RAD51B: variants seen among roughly 807,000 people sequenced by gnomAD.
The protein encoded by RAD51B is DNA repair protein RAD51 homolog 2.
RAD51B carries 38 observed loss-of-function variants against 42.2 expected under a neutral mutation model. That is an observed-to-expected ratio of 0.90 (90% CI 0.70 to 1.18). The LOEUF (loss-of-function observed/expected upper bound fraction) is 1.18. Among genes scored for constraint, RAD51B ranks in the 50% most tolerant of loss-of-function variants. RAD51B has a pLI of 0.00. For missense variants in RAD51B, 373 were observed against 400.7 expected (o/e 0.93, Z 0.59); for synonymous variants, 154 against 145.2 (o/e 1.06, Z -0.43).
chr14:68,669,573 C>T (rs1893109030), intron 11 of RAD51B, among the ~76,000 whole-genome samples: 3 of 151,942 alleles, frequency 2.0e-5, no homozygotes, highest in South Asian at 2.1e-4. Context: ...TTATTCCGTG[C>T]TTGTCAAATT....
chr14:68,376,630 T>C (rs1443038886), intron 8 of RAD51B, among the ~76,000 whole-genome samples: 1 of 152,198 alleles, frequency 6.6e-6, no homozygotes, highest in Non-Finnish European at 1.5e-5. Context: ...TTGTACCGCA[T>C]TCCTCCCTGG....
intron 10 of RAD51B, among the ~76,000 whole-genome samples, chr14:68,489,210 C>T (rs1421481273): frequency 2.6e-5 from 4 of 151,850 alleles, no homozygotes; most frequent in Admixed American, 6.6e-5. Context: ...TCTTGTAGTC[C>T]GAATGCACCC....
chr14:67,825,235 C>G (rs1422563392), intron 2 of RAD51B, among the ~76,000 whole-genome samples: 1 of 152,052 alleles, frequency 6.6e-6, no homozygotes, highest in Admixed American at 6.5e-5. Flanking sequence ...TTTGGTGTAT[C>G]CTCTGGTATA....
intron 7 of RAD51B, among the ~76,000 whole-genome samples, chr14:68,283,048 A>G (rs2081349845): frequency 6.6e-6 from 1 of 152,138 alleles, no homozygotes; most frequent in Admixed American, 6.5e-5. Flanking sequence ...ATTCAACAGA[A>G]CTGTTTTCTT....
exon 11 of RAD51B, chr14:68,595,787 A>G (rs1002191142): frequency 4.3e-5 from 17 of 392,634 alleles, no homozygotes; most frequent in Middle Eastern, 8.9e-4. Flanking sequence ...CCATATTATT[A>G]AAGAGAAAAA....
chr14:67,933,675 C>A lies in RAD51B; in HGVS notation c.756+46471C>A, dbSNP rs552404889. On this transcript the variant is annotated intron_variant, in intron 7 of 10. Transcript: ENST00000471583. Reference sequence around the variant, plus strand: ...CTGAGTTGGTCACTTGCTTCCTTCTCCTTCTTTGCCTCAGGTGTTTCCTGT... The same window carrying A: ...CTGAGTTGGTCACTTGCTTCCTTCTACTTCTTTGCCTCAGGTGTTTCCTGT... Among the ~76,000 whole-genome samples the A allele has an allele frequency of 2.6e-5, 4 of 152,284 alleles. No individual in the cohort carries two copies. The South Asian group carries it at 8.3e-4, about 32-fold the overall frequency.
chr14:67,893,493 CACACACACACACACACAAA>C (rs577920318), intron 7 of RAD51B, among the ~76,000 whole-genome samples: 2,072 of 81,190 alleles, frequency 0.026, 146 homozygotes, highest in African/African-American at 0.12. Context: ...CACACACACA[CACACACACACACACACAAA>C]AAAAAACAAT....
intron 10 of RAD51B, among the ~76,000 whole-genome samples, chr14:68,556,950 G>A (rs1888882520): frequency 1.3e-5 from 2 of 152,060 alleles, no homozygotes; most frequent in Non-Finnish European, 2.9e-5. Context: ...GGCATCCTCA[G>A]GAGTCCCCGG....
intron 7 of RAD51B, among the ~76,000 whole-genome samples, chr14:68,072,070 A>AAAATATATATAATTATATATAATT (rs1595359041): frequency 9.6e-6 from 1 of 104,702 alleles, no homozygotes; most frequent in East Asian, 2.2e-4. Flanking sequence ...TATTTATATA[A>AAAATATATATAATTATATATAATT]ATATATAAAT....
chr14:68,054,035 C>T (rs1595331937), intron 7 of RAD51B, among the ~76,000 whole-genome samples: 2 of 152,174 alleles, frequency 1.3e-5, no homozygotes, highest in African/African-American at 2.4e-5. Context: ...AGACATGATA[C>T]TCCTTTATCC....
At chr14:68,633,851 G>T (rs1892288213) in intron 10 of RAD51B, among the ~76,000 whole-genome samples, 1 of 152,218 alleles carries the variant, frequency 6.6e-6, no homozygotes, top group Admixed American at 6.5e-5. Flanking sequence ...TTGGACAACA[G>T]TGGGCTTGGA....
At chr14:68,630,590 C>T (rs1892203828) in intron 10 of RAD51B, among the ~76,000 whole-genome samples, 1 of 152,222 alleles carries the variant, frequency 6.6e-6, no homozygotes, top group Non-Finnish European at 1.5e-5. Context: ...GAGAAACCTT[C>T]ACCAGCAGCC....
chr14:68,662,778 C>T (rs927441199), intron 11 of RAD51B, among the ~76,000 whole-genome samples: 3 of 152,338 alleles, frequency 2.0e-5, no homozygotes, highest in Non-Finnish European at 2.9e-5. Flanking sequence ...ATAAGCCATC[C>T]CTTTCCTTGT....
intron 10 of RAD51B, 55 bp downstream of exon 10, chr14:68,468,305 G>T: frequency 6.6e-7 from 1 of 1,519,174 alleles, no homozygotes; most frequent in South Asian, 1.1e-5. Context: ...GCTGCCCATT[G>T]CTAGTGGTAA....
At chr14:67,832,378 A>T (rs2041084073) in intron 3 of RAD51B, among the ~76,000 whole-genome samples, 1 of 152,212 alleles carries the variant, frequency 6.6e-6, no homozygotes, top group Non-Finnish European at 1.5e-5. Flanking sequence ...TATAAAAATG[A>T]CCGTTATAAA....
intron 10 of RAD51B, among the ~76,000 whole-genome samples, chr14:68,524,109 CG>C (rs1566925389): frequency 6.6e-6 from 1 of 152,102 alleles, no homozygotes; most frequent in East Asian, 1.9e-4. Context: ...CGTCATCCCT[CG>C]GTGGCAGGTG....
At chr14:68,562,533 G>A in intron 10 of RAD51B, 1 of 985,426 alleles carries the variant, frequency 1.0e-6, no homozygotes. Flanking sequence ...AGCACCCACA[G>A]CCATGTTTTG....
At chr14:68,160,435 A>G (rs1484411230) in intron 7 of RAD51B, among the ~76,000 whole-genome samples, 1 of 152,164 alleles carries the variant, frequency 6.6e-6, no homozygotes, top group African/African-American at 2.4e-5. Context: ...CTATTTGTGA[A>G]CACCAAATAT....
intron 9 of RAD51B, among the ~76,000 whole-genome samples, chr14:68,460,712 G>A (rs1383240220): frequency 1.3e-5 from 2 of 152,172 alleles, no homozygotes; most frequent in Admixed American, 1.3e-4. Context: ...TCCACTTTCT[G>A]AGCCTCTTGG....
Sources: allele counts gnomAD v4.1 joint callset (sites outside exome capture counted in the v4.1 genomes callset), GRCh38; gene constraint gnomAD v4.1.1; transcripts MANE v1.5; gene names NCBI Gene and HGNC (gene_info 2026-07-23, HGNC 2026-07-21).